The following PRKCA variants were observed in gnomAD, a reference collection of about 807,000 sequenced individuals.
PRKCA encodes protein kinase C alpha, also known as protein kinase C alpha type.
In PRKCA, 27 loss-of-function variants were observed where a neutral mutation model predicts 87.0. The ratio of observed to expected loss-of-function variants is 0.31; its 90% CI spans 0.23 to 0.43. The LOEUF (loss-of-function observed/expected upper bound fraction) is 0.43, where lower values mean the gene tolerates loss of function less well. Among genes scored for constraint, PRKCA ranks in the 20% least tolerant of loss-of-function variants. The probability of loss-of-function intolerance (pLI) is 1.00; values close to 1 mark genes in which losing one functional copy is unlikely to be tolerated. For synonymous variants in PRKCA, 329 were observed against 311.1 expected (o/e 1.06, Z -0.61); for missense variants, 518 against 852.3 (o/e 0.61, Z 4.88).
chr17:66,521,623 T>G (rs1479926401), intron 3 of PRKCA, among the ~76,000 whole-genome samples: 1 of 152,226 alleles, frequency 6.6e-6, no homozygotes, highest in African/African-American at 2.4e-5. Context: ...CAGTGATGAA[T>G]CAAGTCATCT....
At chr17:66,694,598 A>G (rs1972872543) in intron 8 of PRKCA, among the ~76,000 whole-genome samples, 1 of 151,922 alleles carries the variant, frequency 6.6e-6, no homozygotes. Context: ...GATTATGTTA[A>G]CAACAGAAAC....
At chr17:66,507,795 A>C (rs772011054) in intron 3 of PRKCA, among the ~76,000 whole-genome samples, 11 of 152,146 alleles carry the variant, frequency 7.2e-5, no homozygotes, top group Non-Finnish European at 1.6e-4. Context: ...CTGATGAGTC[A>C]TGTTTTTTAG....
chr17:66,575,630 T>C (rs983462803), intron 3 of PRKCA, among the ~76,000 whole-genome samples: 1 of 152,136 alleles, frequency 6.6e-6, no homozygotes, highest in Non-Finnish European at 1.5e-5. Context: ...ATATTCAGAC[T>C]GAGGCTGACC....
chr17:66,618,582 A>G (rs1173176189), intron 3 of PRKCA, among the ~76,000 whole-genome samples: 1 of 152,214 alleles, frequency 6.6e-6, no homozygotes, highest in African/African-American at 2.4e-5. Flanking sequence ...TACAGTTTTG[A>G]GAAAGCTCTG....
intron 2 of PRKCA, among the ~76,000 whole-genome samples, chr17:66,312,990 C>T (rs982506056): frequency 1.3e-5 from 2 of 152,088 alleles, no homozygotes; most frequent in Non-Finnish European, 2.9e-5. Context: ...CTGCCTGCCT[C>T]GGCATCCCAA....
chr17:66,574,289 T>G (rs929702041), intron 3 of PRKCA, among the ~76,000 whole-genome samples: 1 of 152,210 alleles, frequency 6.6e-6, no homozygotes, highest in Non-Finnish European at 1.5e-5. Flanking sequence ...CTACATGGAA[T>G]GGGCTGTACC....
intron 16 of PRKCA, among the ~76,000 whole-genome samples, chr17:66,797,816 T>C (rs1975703644): frequency 6.6e-6 from 1 of 152,238 alleles, no homozygotes; most frequent in African/African-American, 2.4e-5. Context: ...CCTTTATCTC[T>C]GTCCCATACC....
At chr17:66,519,864 A>G (rs895999869) in intron 3 of PRKCA, among the ~76,000 whole-genome samples, 2 of 152,020 alleles carry the variant, frequency 1.3e-5, no homozygotes, top group Non-Finnish European at 2.9e-5. Flanking sequence ...ACCCTAGACT[A>G]TGTTTCTGGG....
intron 2 of PRKCA, among the ~76,000 whole-genome samples, chr17:66,392,480 A>G (rs1910423899): frequency 6.6e-6 from 1 of 152,152 alleles, no homozygotes; most frequent in South Asian, 2.1e-4. Flanking sequence ...CCTTTACAGT[A>G]TTTGGAGGTT....
rs932834899 is a variant in PRKCA at position 66,786,934 on chromosome 17, C to A, written c.1673C>A (p.Pro558Gln). The change falls in exon 15 of 17, where the codon CCA becomes CAA. Residue 558 changes from proline to glutamine, a missense_variant. By Grantham distance (76) the Pro-to-Gln change is moderately conservative (BLOSUM62 -1). Around this residue, in one of 5 missense-constraint regions of PRKCA, gnomAD observed 159 missense variants for 232.4 expected, o/e 0.68. Coordinates refer to ENST00000413366, the MANE Select transcript of PRKCA (RefSeq NM_002737.3). ...ATCATGGAGCACAACGTTTCCTATC[C>A]AAAATCCTTGTCCAAGGAGGCTGTT... ...QSIMEHNVSY[P>Q]KSLSKEAVSV... 6.2e-7 allele frequency: 1 copy of A among 1,614,006 alleles called. No homozygotes were observed. Among genetic ancestry groups the A allele is most frequent in the Non-Finnish European group, 8.5e-7 (1 of 1,179,872 alleles).
At chr17:66,736,439 G>A (rs939947279) in intron 10 of PRKCA, among the ~76,000 whole-genome samples, 5 of 151,912 alleles carry the variant, frequency 3.3e-5, no homozygotes, top group Admixed American at 6.6e-5. Context: ...CACCACGCCC[G>A]GCTAATTTTT....
chr17:66,593,175 T>C (rs8080445), intron 3 of PRKCA, among the ~76,000 whole-genome samples: 52,508 of 151,926 alleles, frequency 0.35, 9,537 homozygotes, highest in African/African-American at 0.41. Context: ...ACTAAGCTGC[T>C]GTAATAAAGA....
rs71160563 is a variant in PRKCA at position 66,377,014 on chromosome 17, G to GATTTACTT, written c.205+70892_205+70893insCTTATTTA. On this transcript the variant is annotated intron_variant, in intron 2 of 16. Coordinates refer to ENST00000413366, the MANE Select transcript of PRKCA (RefSeq NM_002737.3). ...CCCCTGCAAAATCCCAAAGCCTCCG[G>GATTTACTT]ATTTATTTATTTATTTATTTATTTA... 1.9e-3 allele frequency among the ~76,000 whole-genome samples: 293 copies of GATTTACTT among 150,828 alleles called. 1 individual carries two copies. Among genetic ancestry groups the GATTTACTT allele is most frequent in the South Asian group, 0.017 (81 of 4,708 alleles).
intron 3 of PRKCA, among the ~76,000 whole-genome samples, chr17:66,548,302 C>T (rs1968209798): frequency 1.3e-5 from 2 of 152,288 alleles, no homozygotes; most frequent in East Asian, 1.9e-4. Flanking sequence ...TATGAGGGCG[C>T]CCCTCCTTGA....
At chr17:66,613,025 T>C (rs529349944) in intron 3 of PRKCA, among the ~76,000 whole-genome samples, 1 of 152,206 alleles carries the variant, frequency 6.6e-6, no homozygotes, top group Non-Finnish European at 1.5e-5. Flanking sequence ...TAGGCAAATA[T>C]ATACAAGTTG....
At chr17:66,758,524 A>G (rs1974608772) in intron 13 of PRKCA, among the ~76,000 whole-genome samples, 1 of 152,184 alleles carries the variant, frequency 6.6e-6, no homozygotes. Context: ...GCAGAGTGGC[A>G]TGCATGTGGT....
chr17:66,612,207 C>T lies in PRKCA; in HGVS notation c.289-29148C>T, dbSNP rs76607795. On this transcript the variant is annotated intron_variant, in intron 3 of 16. Transcript: ENST00000413366. ...ACCAGCCTGGTCAACATGGTAAAAC[C>T]CTGTCTCTACTAAAAATACAAAAAT... Among the ~76,000 whole-genome samples, 29 of 151,678 alleles carry T rather than the reference C, an allele frequency of 1.9e-4. 1 individual carries two copies. In the East Asian group the frequency reaches 3.7e-3, roughly 19 times the overall value.
chr17:66,626,202 C>T (rs7210247), intron 3 of PRKCA, among the ~76,000 whole-genome samples: 12,208 of 138,426 alleles, frequency 0.088, 587 homozygotes, highest in African/African-American at 0.12. Context: ...TTTTTCTTTT[C>T]TTTTTTTTTT....
intron 2 of PRKCA, among the ~76,000 whole-genome samples, chr17:66,470,289 C>T (rs1915267130): frequency 7.0e-6 from 1 of 143,236 alleles, no homozygotes; most frequent in South Asian, 2.4e-4. Context: ...CTCTGCCACC[C>T]CCCCTCCCCA....
Sources: allele counts gnomAD v4.1 joint callset (sites outside exome capture counted in the v4.1 genomes callset), GRCh38; gene constraint gnomAD v4.1.1; regional missense constraint gnomAD v4.1.1; transcripts MANE v1.5; gene names NCBI Gene and HGNC (gene_info 2026-07-23, HGNC 2026-07-21).